Variants in GTPBP1 observed in about 807,000 individuals in gnomAD.
GTPBP1 encodes GTP binding protein 1, also known as GTP-binding protein 1.
GTPBP1 carries 23 observed loss-of-function variants against 62.0 expected under a neutral mutation model. That is an observed-to-expected ratio of 0.37 (90% confidence interval 0.27 to 0.53). The LOEUF (loss-of-function observed/expected upper bound fraction) is 0.53, where lower values mean the gene tolerates loss of function less well. Among genes scored for constraint, GTPBP1 ranks in the 20% least tolerant of loss-of-function variants. The probability of loss-of-function intolerance (pLI) is 0.89; values close to 1 mark genes in which losing one functional copy is unlikely to be tolerated. For missense variants in GTPBP1, 640 were observed against 917.3 expected (o/e 0.70, Z 3.90); for synonymous variants, 344 against 364.4 (o/e 0.94, Z 0.64).
At chr22:38,737,350 A>G (rs2092814772), downstream of GTPBP1, among the ~76,000 whole-genome samples, 2 of 151,776 alleles carry the variant, frequency 1.3e-5, no homozygotes, top group South Asian at 4.2e-4. This position sits in a 1 kb window ranked among gnomAD's most constrained non-coding sequence, Gnocchi z 4.1. Flanking sequence ...CCAACTGGAC[A>G]TTCACGACCC....
chr22:38,707,415 C>G (rs2092611613), intron 1 of GTPBP1, among the ~76,000 whole-genome samples: 1 of 152,222 alleles, frequency 6.6e-6, no homozygotes, highest in African/African-American at 2.4e-5. Context: ...ATTGTAGTCT[C>G]AGGTGAGCAC....
downstream of GTPBP1, chr22:38,736,552 G>C: frequency 1.9e-6 from 1 of 514,360 alleles, no homozygotes; most frequent in Non-Finnish European, 3.4e-6. Context: ...CTCCTGAGCA[G>C]TGTTTCCAGC....
intron 1 of GTPBP1, 53 bp downstream of exon 1, chr22:38,706,200 C>G: frequency 8.7e-7 from 1 of 1,143,714 alleles, no homozygotes; most frequent in Non-Finnish European, 1.1e-6. Flanking sequence ...GCTGGCCGAG[C>G]AGTCTCCCGG....
At position 38,730,743 on chromosome 22, in the gene GTPBP1, C is replaced by G. The variant is rs201889482; in HGVS notation, c.*39C>G. The G allele has an allele frequency of 2.3e-4, 255 of 1,110,792 alleles. 1 individual carries two copies. The African/African-American group carries it at 3.4e-3, about 15-fold the overall frequency. 68.8% of individuals were successfully genotyped at this position (1,110,792 alleles called of 1,614,324 possible). ...CCACCCTCACCACCCAAGGGGTCAT[C>G]ATCTCTGGCCACCACTCCACCAGAT... On this transcript the variant is annotated 3_prime_UTR_variant, in exon 12 of 12. Coordinates refer to ENST00000216044, the MANE Select transcript of GTPBP1 (RefSeq NM_004286.5). The surrounding 1 kb of genome is among the most constrained non-coding windows in gnomAD (Gnocchi z 5.6).
chr22:38,727,996 C>T lies in GTPBP1; in HGVS notation c.1551C>T (p.Ser517=). The T allele has an allele frequency of 6.2e-7, 1 of 1,613,806 alleles. No homozygotes were observed. Among genetic ancestry groups the T allele is most frequent in the Non-Finnish European group, 8.5e-7 (1 of 1,179,744 alleles). Residue 517 remains serine, a synonymous_variant, in exon 10 of 12, where the codon AGC becomes AGT. Transcript: ENST00000216044. This position sits in a 1 kb window ranked among gnomAD's most constrained non-coding sequence, Gnocchi z 6.5. ...CTTCCTTGACAGTGCACTGTGGGAG[C>T]ATCAGGCAGACAGCCACCATTCTGA... The part of the protein sequence containing the change: ...PRYQAMVHCG[S]IRQTATILSM...
chr22:38,726,907 C>T lies in GTPBP1; in HGVS notation c.1402-306C>T, dbSNP rs780229816. Among the ~76,000 whole-genome samples the T allele has an allele frequency of 2.6e-5, 4 of 152,182 alleles. No individual in the cohort carries two copies. The highest frequency in any genetic ancestry group is 5.9e-5 in the Non-Finnish European group (4 of 68,028). ...CTTCCCCACAGTGGTCAGGTCATGC[C>T]CACCTGTTGTTCCCCCTGAATGCTT... On this transcript the variant is annotated intron_variant, in intron 8 of 11. Coordinates refer to ENST00000216044, the MANE Select transcript of GTPBP1 (RefSeq NM_004286.5). The surrounding 1 kb of genome is among the most constrained non-coding windows in gnomAD (Gnocchi z 4.1).
downstream of GTPBP1, chr22:38,735,589 G>A (rs1406210390): frequency 4.8e-6 from 1 of 210,314 alleles, no homozygotes; most frequent in Non-Finnish European, 9.9e-6. Context: ...AGCCTACAGG[G>A]TTGGCCCTGG....
intron 5 of GTPBP1, chr22:38,722,603 G>T: frequency 1.7e-6 from 2 of 1,152,402 alleles, no homozygotes; most frequent in Non-Finnish European, 1.2e-6. Flanking sequence ...AAAGGCCTTA[G>T]CCATTTAGAG....
chr22:38,707,487 A>T (rs1355537598), intron 1 of GTPBP1, among the ~76,000 whole-genome samples: 1 of 152,232 alleles, frequency 6.6e-6, no homozygotes, highest in Non-Finnish European at 1.5e-5. Flanking sequence ...CATAATGAGG[A>T]TGGCCAAACT....
At position 38,716,555 on chromosome 22, in the gene GTPBP1, C is replaced by G. The variant is rs1234471224; in HGVS notation, c.486-97C>G. The G allele has an allele frequency of 4.5e-6, 4 of 892,750 alleles. No homozygotes were observed. The highest frequency in any genetic ancestry group is 4.3e-5 in the Admixed American group (2 of 46,608). The allele number at this position is 892,750 out of a possible 1,614,324, so 55.3% of individuals were successfully genotyped here. A position where few individuals can be genotyped will look rare whatever the true frequency, so the allele number is the denominator to read the frequency against. On this transcript the variant is annotated intron_variant, in intron 3 of 11. Transcript: ENST00000216044. This position sits in a 1 kb window ranked among gnomAD's most constrained non-coding sequence, Gnocchi z 5.2. Reference sequence around the variant, plus strand: ...GTGAGCCGGAGGGGATCGGGGCAAGCCTGGACTTGCGGATCCAATTACTGG... The same window carrying G: ...GTGAGCCGGAGGGGATCGGGGCAAGGCTGGACTTGCGGATCCAATTACTGG...
At chr22:38,718,724 C>T (rs2092684090) in intron 4 of GTPBP1, among the ~76,000 whole-genome samples, 1 of 152,200 alleles carries the variant, frequency 6.6e-6, no homozygotes, top group South Asian at 2.1e-4. Context: ...GGCAGCTTTT[C>T]TTTCAAATTT....
Position 38,726,725 on chromosome 22 carries a change from C to G in GTPBP1, c.1401+285C>G, listed in dbSNP as rs2092728792. On this transcript the variant is annotated intron_variant, in intron 8 of 11. Coordinates refer to ENST00000216044, the MANE Select transcript of GTPBP1 (RefSeq NM_004286.5). This position sits in a 1 kb window ranked among gnomAD's most constrained non-coding sequence, Gnocchi z 4.1. ...AGTGGTGAGGTCAAATAGGAGTATC[C>G]CTGCTGTGCAAGGATCCTTCTACAT... Among the ~76,000 whole-genome samples the G allele has an allele frequency of 6.6e-6, 1 of 152,144 alleles. No individual in the cohort carries two copies. Among genetic ancestry groups the G allele is most frequent in the Admixed American group, 6.5e-5 (1 of 15,276 alleles).
In GTPBP1 at chr22:38,726,738, G is replaced by C. The variant is rs558430020; in HGVS notation, c.1401+298G>C. ...AATAGGAGTATCCCTGCTGTGCAAG[G>C]ATCCTTCTACATAGGACCATTGGGA... On this transcript the variant is annotated intron_variant, in intron 8 of 11. Coordinates refer to ENST00000216044, the MANE Select transcript of GTPBP1 (RefSeq NM_004286.5). This position sits in a 1 kb window ranked among gnomAD's most constrained non-coding sequence, Gnocchi z 4.1. 3.9e-5 allele frequency among the ~76,000 whole-genome samples: 6 copies of C among 152,270 alleles called. No individual in the cohort carries two copies. Among genetic ancestry groups the C allele is most frequent in the African/African-American group, 1.4e-4 (6 of 41,556 alleles).
In GTPBP1 at chr22:38,708,940, C is replaced by T. The variant is rs781328059; in HGVS notation, c.288C>T (p.Val96=). ...AGGGATGCGGAGAGACCATATATGTCATTGGGCAGGGATCAGGTGAGCATA... is the reference window on the plus strand; with the variant it reads ...AGGGATGCGGAGAGACCATATATGTTATTGGGCAGGGATCAGGTGAGCATA... ...MDEGCGETIY[V]IGQGSDGTEY... is the part of the protein sequence containing the mutation. The change falls in exon 2 of 12, where the codon GTC becomes GTT. Residue 96 remains valine (V), a synonymous_variant. Transcript: ENST00000216044. 1 of 1,582,974 alleles carries T rather than the reference C, an allele frequency of 6.3e-7. No homozygotes were observed. The highest frequency in any genetic ancestry group is 2.2e-5 in the East Asian group (1 of 44,744).
intron 5 of GTPBP1, chr22:38,723,281 G>A: frequency 2.2e-6 from 2 of 913,438 alleles, no homozygotes; most frequent in Non-Finnish European, 3.7e-6. Flanking sequence ...GACAATGGCT[G>A]TACCCTTAAA....
At chr22:38,736,290 C>G (rs1157995618), downstream of GTPBP1, 9 of 1,613,798 alleles carry the variant, frequency 5.6e-6, no homozygotes, top group South Asian at 2.2e-5. Context: ...TCCCCATGCA[C>G]TCTGAAGCGG....
intron 2 of GTPBP1, among the ~76,000 whole-genome samples, chr22:38,711,020 C>A (rs758276151): frequency 5.3e-5 from 8 of 152,292 alleles, no homozygotes; most frequent in Middle Eastern, 3.4e-3. Flanking sequence ...CATAGTGACT[C>A]CTCCTGCTGG....
intron 5 of GTPBP1, chr22:38,723,166 AAC>A: frequency 1.2e-6 from 1 of 839,122 alleles, no homozygotes; most frequent in South Asian, 1.4e-5. Context: ...CACTAAAAGC[AAC>A]AGTTTCTGTA....
intron 2 of GTPBP1, among the ~76,000 whole-genome samples, chr22:38,713,826 GTTTGGATATCAGAC>G: frequency 6.6e-6 from 1 of 152,234 alleles, no homozygotes. Context: ...TGGGTGTTGA[GTTTGGATATCAGAC>G]TTCTAGGAGT....
Sources: gnomAD v4.1 joint callset for allele counts (sites outside exome capture counted in the v4.1 genomes callset) on GRCh38, gnomAD v4.1.1 for gene constraint, Gnocchi (gnomAD v3.1) non-coding constraint, MANE v1.5 for transcripts, NCBI Gene and HGNC (gene_info 2026-07-23, HGNC 2026-07-21) for gene names.